The following MYO3A variants were observed in gnomAD, a reference collection of about 807,000 sequenced individuals.
The protein encoded by MYO3A is myosin-IIIa.
A neutral mutation model predicts 192.7 loss-of-function variants in MYO3A; 180 were observed. The ratio of observed to expected loss-of-function variants is 0.93; its 90% CI spans 0.83 to 1.06. MYO3A has a LOEUF of 1.06. Among genes scored for constraint, MYO3A ranks in the 50% least tolerant of loss-of-function variants. The pLI is 0.00. For missense variants in MYO3A, 1,896 were observed against 1,905.0 expected (o/e 1.00, Z 0.09); for synonymous variants, 628 against 645.3 (o/e 0.97, Z 0.41).
At chr10:25,955,123 A>G in intron 4 of MYO3A, 115 bp downstream of exon 4, 1 of 1,436,896 alleles carries the variant, frequency 7.0e-7, no homozygotes, top group Non-Finnish European at 9.7e-7. Flanking sequence ...TAAGTTCCTG[A>G]CCAGCCATGA....
At chr10:25,997,094 T>A (rs1196016120) in intron 5 of MYO3A, 65 bp from the exon 6 acceptor site, 2 of 1,248,822 alleles carry the variant, frequency 1.6e-6, no homozygotes, top group Non-Finnish European at 2.3e-6. Context: ...TACAGGTACA[T>A]CATCTGAAAA....
At chr10:26,017,160 A>C (rs1564463343) in intron 7 of MYO3A, among the ~76,000 whole-genome samples, 2 of 152,300 alleles carry the variant, frequency 1.3e-5, no homozygotes, top group South Asian at 2.1e-4. Context: ...TTGATTTTTC[A>C]TTAAATTTAG....
At position 26,079,091 on chromosome 10, in the gene MYO3A, C is replaced by T. The variant is rs1835768641; in HGVS notation, c.1359+8690C>T. ...TTGACTTTCTGCCTTGATGACCTGT[C>T]TAGTGCTGTCAGTGGAGTATTGAAG... On this transcript the variant is annotated intron_variant, in intron 14 of 34. Transcript: ENST00000642920. 2.0e-5 allele frequency among the ~76,000 whole-genome samples: 3 copies of T among 152,110 alleles called. No homozygotes were observed. The South Asian group carries it at 6.2e-4, about 32-fold the overall frequency.
chr10:25,947,288 G>C (rs911392367), intron 2 of MYO3A, among the ~76,000 whole-genome samples: 3 of 150,076 alleles, frequency 2.0e-5, no homozygotes, highest in African/African-American at 7.4e-5. Flanking sequence ...AAATTTATCT[G>C]ATTTTGTACA....
chr10:26,060,557 A>ATTTGTT (rs1834402248), intron 10 of MYO3A, among the ~76,000 whole-genome samples: 1 of 136,948 alleles, frequency 7.3e-6, no homozygotes, highest in Non-Finnish European at 1.7e-5. Flanking sequence ...ACTTTCCATA[A>ATTTGTT]ATTTCCATAT....
rs754176151 is a variant in MYO3A at position 26,096,695 on chromosome 10, GAC to G, written c.1776+16_1776+17del. On this transcript the variant is annotated intron_variant, in intron 17 of 34. Transcript: ENST00000642920. ...TTTTACAATGGAGGTAAGTATGAAA[GAC>G]ACTTGAACTTCTTTAGAAAGTATCT... 1 of 1,507,570 alleles carries G rather than the reference GAC, an allele frequency of 6.6e-7. No individual in the cohort carries two copies. Among genetic ancestry groups the G allele is most frequent in the Non-Finnish European group, 9.2e-7 (1 of 1,083,290 alleles). The allele number at this position is 1,507,570 out of a possible 1,614,324, so 93.4% of individuals were successfully genotyped here.
intron 32 of MYO3A, among the ~76,000 whole-genome samples, chr10:26,197,667 G>T (rs148691056): frequency 1.3e-5 from 2 of 152,168 alleles, no homozygotes; most frequent in African/African-American, 4.8e-5. Flanking sequence ...GGGTTCAACC[G>T]ATTCTCCTGC....
chr10:26,007,845 C>G (rs1021598926), intron 6 of MYO3A, among the ~76,000 whole-genome samples: 1 of 151,830 alleles, frequency 6.6e-6, no homozygotes, highest in African/African-American at 2.4e-5. Flanking sequence ...CCCCATCAAG[C>G]TACCAATGAC....
chr10:26,122,604 T>C lies in MYO3A; in HGVS notation c.1903+1802T>C, dbSNP rs180937606. ...CCAGTTGTTCATTTCACATCAAGAA[T>C]TGATTTTTTCCAGGTCATTCTCCAC... On this transcript the variant is annotated intron_variant, in intron 18 of 34. Transcript: ENST00000642920. Among the ~76,000 whole-genome samples, 167 of 152,292 alleles carry C rather than the reference T, an allele frequency of 1.1e-3. 1 individual carries two copies. The highest frequency in any genetic ancestry group is 3.9e-3 in the African/African-American group (164 of 41,568).
chr10:26,101,810 C>T (rs1837473257), intron 17 of MYO3A, among the ~76,000 whole-genome samples: 1 of 152,210 alleles, frequency 6.6e-6, no homozygotes, highest in African/African-American at 2.4e-5. Context: ...GCCGACCTTT[C>T]TCTCTGGCTG....
Position 26,147,423 on chromosome 10 carries a change from T to A in MYO3A, c.2506-7T>A. On this transcript the variant is annotated splice_region_variant and splice_polypyrimidine_tract_variant and intron_variant, in intron 22 of 34. Transcript: ENST00000642920. Reference sequence around the variant, plus strand: ...ATTGTGATAATTATAGCATACTGTATCAACAGGTCCTCTATAATGCAAGTG... The same window carrying A: ...ATTGTGATAATTATAGCATACTGTAACAACAGGTCCTCTATAATGCAAGTG... The A allele has an allele frequency of 6.2e-7, 1 of 1,610,498 alleles. No homozygotes were observed. The highest frequency in any genetic ancestry group is 1.3e-5 in the African/African-American group (1 of 74,944).
intron 10 of MYO3A, among the ~76,000 whole-genome samples, chr10:26,043,625 C>T (rs1420790686): frequency 6.6e-6 from 1 of 152,198 alleles, no homozygotes; most frequent in Admixed American, 6.5e-5. Flanking sequence ...AGTACTGCCA[C>T]GCTACCAGCA....
chr10:25,980,189 A>C (rs1839233864), intron 4 of MYO3A, among the ~76,000 whole-genome samples: 2 of 151,550 alleles, frequency 1.3e-5, no homozygotes, highest in Admixed American at 1.3e-4. Flanking sequence ...GTGAGCCGAG[A>C]TCGCACCACT....
chr10:25,960,598 G>GTTAT (rs1231098893), intron 4 of MYO3A, among the ~76,000 whole-genome samples: 3 of 152,090 alleles, frequency 2.0e-5, no homozygotes, highest in African/African-American at 7.2e-5. Context: ...AAAAGAAAAT[G>GTTAT]TTATTAAGAA....
intron 10 of MYO3A, among the ~76,000 whole-genome samples, chr10:26,039,153 G>A (rs781728068): frequency 2.8e-4 from 42 of 150,700 alleles, no homozygotes; most frequent in Non-Finnish European, 4.3e-4. Flanking sequence ...CGATTCTCCT[G>A]CCTCAGCCTC....
At chr10:26,014,719 A>G (rs1192748546) in intron 6 of MYO3A, among the ~76,000 whole-genome samples, 2 of 152,134 alleles carry the variant, frequency 1.3e-5, no homozygotes, top group Non-Finnish European at 2.9e-5. Flanking sequence ...GTTAGATGGT[A>G]TAATACAATT....
intron 14 of MYO3A, among the ~76,000 whole-genome samples, chr10:26,074,597 A>AT (rs1835414442): frequency 6.8e-6 from 1 of 147,638 alleles, no homozygotes; most frequent in Non-Finnish European, 1.5e-5. Context: ...AAAATATATA[A>AT]TATATATTAT....
intron 6 of MYO3A, among the ~76,000 whole-genome samples, chr10:26,000,627 G>A (rs1003599203): frequency 3.3e-5 from 5 of 151,416 alleles, no homozygotes; most frequent in South Asian, 2.1e-4. Flanking sequence ...TTTATAAGAC[G>A]GGGTCATTGT....
intron 20 of MYO3A, among the ~76,000 whole-genome samples, chr10:26,138,100 G>A (rs1429847985): frequency 6.6e-6 from 1 of 152,156 alleles, no homozygotes; most frequent in Non-Finnish European, 1.5e-5. Flanking sequence ...TTTGAAGCAT[G>A]TGATCTTTGT....
Sources: gnomAD v4.1 joint callset for allele counts (sites outside exome capture counted in the v4.1 genomes callset) on GRCh38, gnomAD v4.1.1 for gene constraint, MANE v1.5 for transcripts, NCBI Gene and HGNC (gene_info 2026-07-23, HGNC 2026-07-21) for gene names.